SH2D4A: variants seen among roughly 807,000 people sequenced by gnomAD.
SH2D4A encodes the protein SH2 domain-containing protein 4A.
A neutral mutation model predicts 64.7 loss-of-function variants in SH2D4A; 70 were observed. That is an observed-to-expected ratio of 1.08 (90% CI 0.89 to 1.32). The LOEUF (loss-of-function observed/expected upper bound fraction) is 1.32. Ranked by LOEUF, SH2D4A falls within the 40% of genes most tolerant of loss-of-function variation. The pLI is 0.00. For missense variants in SH2D4A, 706 were observed against 540.1 expected (o/e 1.31, Z -3.04); for synonymous variants, 268 against 200.7 (o/e 1.34, Z -2.83).
intron 8 of SH2D4A, among the ~76,000 whole-genome samples, chr8:19,380,638 C>T (rs2053277720): frequency 6.6e-6 from 1 of 152,178 alleles, no homozygotes; most frequent in Non-Finnish European, 1.5e-5. Context: ...CTGCCCTTTC[C>T]CTACTGAATG....
intron 7 of SH2D4A, among the ~76,000 whole-genome samples, chr8:19,368,287 G>C (rs983181808): frequency 4.6e-5 from 7 of 152,138 alleles, no homozygotes; most frequent in Non-Finnish European, 1.0e-4. Context: ...AAGTCATTTA[G>C]TGTGATGCCT....
At chr8:19,375,582 G>C (rs71510648) in intron 8 of SH2D4A, 21,295 of 152,268 alleles carry the variant, frequency 0.14, 1,636 homozygotes, top group Middle Eastern at 0.22. Flanking sequence ...TTTTGTGGCT[G>C]GGAGGAAGGT....
At chr8:19,355,856 T>A (rs1036687883) in intron 4 of SH2D4A, among the ~76,000 whole-genome samples, 1 of 152,226 alleles carries the variant, frequency 6.6e-6, no homozygotes, top group African/African-American at 2.4e-5. Flanking sequence ...GAAACATGCC[T>A]CCAGCAACTG....
chr8:19,341,301 T>A lies in SH2D4A; in HGVS notation c.513+6444T>A, dbSNP rs79837323. Among the ~76,000 whole-genome samples the A allele has an allele frequency of 5.7e-3, 872 of 152,274 alleles. 10 individuals are homozygous for A. The highest frequency in any genetic ancestry group is 0.02 in the African/African-American group (835 of 41,546). On this transcript the variant is annotated intron_variant, in intron 4 of 9. Coordinates refer to ENST00000265807, the MANE Select transcript of SH2D4A (RefSeq NM_022071.4). ...TTTCCGCTACAGTTTATTTTAACTC[T>A]AATATCTAAAAGTATATTGTCATGT... is the stretch of plus-strand genomic sequence containing the variant.
intron 8 of SH2D4A, among the ~76,000 whole-genome samples, chr8:19,390,688 G>A (rs375813107): frequency 1.3e-5 from 2 of 152,200 alleles, no homozygotes; most frequent in East Asian, 1.9e-4. Flanking sequence ...ACTGCCCTTT[G>A]GAACCTGCCC....
At chr8:19,384,556 A>G (rs1197804228) in intron 8 of SH2D4A, among the ~76,000 whole-genome samples, 1 of 152,190 alleles carries the variant, frequency 6.6e-6, no homozygotes, top group Non-Finnish European at 1.5e-5. Context: ...CAACATTAAG[A>G]AAGACCTTAC....
chr8:19,364,361 T>A (rs1310012472), intron 7 of SH2D4A, 79 bp downstream of exon 7: 2 of 1,507,224 alleles, frequency 1.3e-6, no homozygotes, highest in Non-Finnish European at 1.8e-6. Context: ...AGGGGAATTG[T>A]ATGAGCTGCC....
chr8:19,340,327 G>A (rs1331832942), intron 4 of SH2D4A, among the ~76,000 whole-genome samples: 1 of 152,136 alleles, frequency 6.6e-6, no homozygotes, highest in Non-Finnish European at 1.5e-5. Context: ...AGTGATTATC[G>A]AGCAAAGGGT....
At chr8:19,390,411 A>G (rs7814466) in intron 8 of SH2D4A, among the ~76,000 whole-genome samples, 45,251 of 151,914 alleles carry the variant, frequency 0.3, 7,153 homozygotes, top group Middle Eastern at 0.37. Flanking sequence ...ATCAATATCT[A>G]ACATTAGATT....
intron 2 of SH2D4A, among the ~76,000 whole-genome samples, chr8:19,332,709 AAAAAG>A (rs2052382413): frequency 6.8e-6 from 1 of 147,648 alleles, no homozygotes; most frequent in African/African-American, 2.6e-5. Context: ...AAAAAAAAAA[AAAAAG>A]CACGGGCAAA....
chr8:19,364,947 C>T (rs946987591), intron 7 of SH2D4A, among the ~76,000 whole-genome samples: 1 of 152,082 alleles, frequency 6.6e-6, no homozygotes, highest in Non-Finnish European at 1.5e-5. Context: ...GCTATTAAAC[C>T]CCCATCCCTT....
intron 4 of SH2D4A, among the ~76,000 whole-genome samples, chr8:19,342,673 A>G (rs903824663): frequency 4.6e-5 from 7 of 152,118 alleles, no homozygotes; most frequent in Non-Finnish European, 8.8e-5. Context: ...TGGGTCTTCT[A>G]CCTTATTCAG....
chr8:19,359,142 T>C (rs2052839929), intron 5 of SH2D4A, among the ~76,000 whole-genome samples: 2 of 152,228 alleles, frequency 1.3e-5, no homozygotes, highest in Admixed American at 6.5e-5. Context: ...TTACGTTTTC[T>C]AGCTTTCTTG....
chr8:19,317,778 T>A (rs142745287), intron 1 of SH2D4A, among the ~76,000 whole-genome samples: 1 of 152,346 alleles, frequency 6.6e-6, no homozygotes, highest in African/African-American at 2.4e-5. Flanking sequence ...CTAAGTGACT[T>A]GTCTGAAGTT....
intron 8 of SH2D4A, among the ~76,000 whole-genome samples, chr8:19,386,917 A>G (rs535636361): frequency 2.0e-5 from 3 of 152,216 alleles, no homozygotes; most frequent in Admixed American, 6.5e-5. Flanking sequence ...ACAGCTGGGA[A>G]TGCAGGTGTA....
At chr8:19,378,902 C>A (rs1365223722) in intron 8 of SH2D4A, among the ~76,000 whole-genome samples, 1 of 133,676 alleles carries the variant, frequency 7.5e-6, no homozygotes, top group Admixed American at 7.7e-5. Flanking sequence ...TGGCAACACC[C>A]CATCTCTCCA....
intron 5 of SH2D4A, 43 bp from the exon 6 acceptor site, chr8:19,361,160 G>C: frequency 7.9e-7 from 1 of 1,259,760 alleles, no homozygotes; most frequent in Non-Finnish European, 1.1e-6. Flanking sequence ...TTCTTTTTTT[G>C]TTTTGTTTTG....
At chr8:19,345,206 C>G (rs1314769295) in intron 4 of SH2D4A, among the ~76,000 whole-genome samples, 3 of 152,196 alleles carry the variant, frequency 2.0e-5, no homozygotes, top group African/African-American at 7.2e-5. Context: ...TCCTGATGAG[C>G]CAGGACAGGA....
At chr8:19,380,967 T>G (rs1464857092) in intron 8 of SH2D4A, among the ~76,000 whole-genome samples, 1 of 152,200 alleles carries the variant, frequency 6.6e-6, no homozygotes. Context: ...ATAGTATTGT[T>G]GTCTTAAGTC....
Sources: allele counts gnomAD v4.1 joint callset (sites outside exome capture counted in the v4.1 genomes callset), GRCh38; gene constraint gnomAD v4.1.1; transcripts MANE v1.5; gene names NCBI Gene and HGNC (gene_info 2026-07-23, HGNC 2026-07-21).